Variants in STK4 observed in about 807,000 individuals in gnomAD.
STK4 encodes serine/threonine-protein kinase 4.
STK4 carries 30 observed loss-of-function variants against 64.9 expected under a neutral mutation model. The ratio of observed to expected loss-of-function variants is 0.46; its 90% CI spans 0.35 to 0.63. The LOEUF is 0.63. Among genes scored for constraint, STK4 ranks in the 20% least tolerant of loss-of-function variants. The probability of loss-of-function intolerance (pLI) is 0.01; values close to 1 mark genes in which losing one functional copy is unlikely to be tolerated. For synonymous variants in STK4, 177 were observed against 199.0 expected, an observed-to-expected ratio of 0.89 and a Z score of 0.93; for missense variants, 466 against 598.5, an observed-to-expected ratio of 0.78 and a Z score of 2.31.
At chr20:44,966,749 G>C in intron 1 of STK4, 146 bp downstream of exon 1, 1 of 963,106 alleles carries the variant, frequency 1.0e-6, no homozygotes, top group Non-Finnish European at 1.4e-6. Context: ...GGGGACGTCT[G>C]GTGGGTGAGG....
chr20:45,050,433 A>G (rs2068760221), intron 10 of STK4, among the ~76,000 whole-genome samples: 1 of 152,196 alleles, frequency 6.6e-6, no homozygotes. Context: ...TTTAATATTA[A>G]TAAATATTGC....
intron 5 of STK4, among the ~76,000 whole-genome samples, chr20:44,990,530 C>T (rs1457504866): frequency 1.3e-5 from 2 of 152,050 alleles, no homozygotes; most frequent in Admixed American, 6.6e-5. Flanking sequence ...TGTGAAACCT[C>T]CAGTACTACT....
At chr20:45,052,993 T>C in intron 10 of STK4, 2 of 998,308 alleles carry the variant, frequency 2.0e-6, no homozygotes, top group Non-Finnish European at 3.0e-6. Context: ...TTTCAACTTC[T>C]TATTTTTCCT....
intron 10 of STK4, among the ~76,000 whole-genome samples, chr20:45,062,989 C>CTTGTTTTTTTTTT: frequency 3.2e-5 from 1 of 31,500 alleles, no homozygotes; most frequent in Admixed American, 4.0e-4. Context: ...CGCACCCGGC[C>CTTGTTTTTTTTTT]TTTTTTTTTT....
At chr20:45,022,511 T>C (rs569061691) in intron 9 of STK4, among the ~76,000 whole-genome samples, 1 of 152,140 alleles carries the variant, frequency 6.6e-6, no homozygotes, top group South Asian at 2.1e-4. Flanking sequence ...GTTCTCACTT[T>C]TTCATCTGAA....
At chr20:44,999,252 C>T (rs751257062) in intron 7 of STK4, among the ~76,000 whole-genome samples, 1 of 152,114 alleles carries the variant, frequency 6.6e-6, no homozygotes, top group Non-Finnish European at 1.5e-5. Flanking sequence ...AAGAACAAGG[C>T]AATATGATAT....
chr20:44,982,737 G>A (rs6031907), intron 4 of STK4, among the ~76,000 whole-genome samples: 65,716 of 151,908 alleles, frequency 0.43, 14,853 homozygotes, highest in Middle Eastern at 0.53. Flanking sequence ...TTATGTATTC[G>A]TTCAGTAAAT....
At chr20:44,989,440 T>C (rs2067594367) in intron 5 of STK4, among the ~76,000 whole-genome samples, 1 of 152,196 alleles carries the variant, frequency 6.6e-6, no homozygotes, top group Non-Finnish European at 1.5e-5. Flanking sequence ...TTTTGCCCAT[T>C]TTTAATTGGG....
intron 10 of STK4, among the ~76,000 whole-genome samples, chr20:45,057,155 A>G (rs1440021566): frequency 6.6e-6 from 1 of 152,212 alleles, no homozygotes; most frequent in Non-Finnish European, 1.5e-5. Flanking sequence ...GGTCACAGAA[A>G]GACCACGTTC....
chr20:45,073,047 T>C (rs1400383313), intron 10 of STK4, among the ~76,000 whole-genome samples: 1 of 152,188 alleles, frequency 6.6e-6, no homozygotes, highest in African/African-American at 2.4e-5. Context: ...AATTACTGTT[T>C]AAGGTTACAT....
chr20:44,988,547 ATATATATATATATATATATATG>A (rs1344429219), intron 5 of STK4, among the ~76,000 whole-genome samples: 5 of 126,608 alleles, frequency 3.9e-5, no homozygotes, highest in South Asian at 2.6e-4. Context: ...ATATATATAT[ATATATATATATATATATATATG>A]TATCCATTCC....
At chr20:45,011,729 A>ATATATAT (rs60170856) in intron 9 of STK4, among the ~76,000 whole-genome samples, 3 of 115,388 alleles carry the variant, frequency 2.6e-5, no homozygotes, top group African/African-American at 1.1e-4. Flanking sequence ...ATATATATAT[A>ATATATAT]TTTTTTTTTT....
chr20:44,970,971 CT>C (rs964221960), intron 1 of STK4, among the ~76,000 whole-genome samples: 2 of 144,092 alleles, frequency 1.4e-5, no homozygotes, highest in African/African-American at 5.1e-5. Context: ...TAGTCTAAAC[CT>C]TTTTTTTTCT....
intron 10 of STK4, among the ~76,000 whole-genome samples, chr20:45,065,195 A>C (rs1298519019): frequency 6.6e-6 from 1 of 151,820 alleles, no homozygotes; most frequent in Non-Finnish European, 1.5e-5. Flanking sequence ...CCTTTTCTGC[A>C]TCTGAAGTAA....
intron 5 of STK4, among the ~76,000 whole-genome samples, chr20:44,989,400 G>A (rs1274016034): frequency 6.6e-6 from 1 of 151,830 alleles, no homozygotes; most frequent in African/African-American, 2.4e-5. Flanking sequence ...TGGACATTCG[G>A]GTATCTTTGG....
chr20:44,985,867 A>G (rs1317198800), intron 4 of STK4, among the ~76,000 whole-genome samples: 1 of 152,196 alleles, frequency 6.6e-6, no homozygotes, highest in African/African-American at 2.4e-5. Flanking sequence ...CCTAGTCCCA[A>G]ATCCTACAGT....
At chr20:44,981,115 C>T (rs149359709) in intron 3 of STK4, among the ~76,000 whole-genome samples, 263 of 152,116 alleles carry the variant, frequency 1.7e-3, no homozygotes, top group Non-Finnish European at 2.8e-3. Context: ...TAGTCTATAA[C>T]ATTTTTCATG....
chr20:45,055,919 G>A lies in STK4; in HGVS notation c.1306-19099G>A, dbSNP rs975435497. Among the ~76,000 whole-genome samples the A allele has an allele frequency of 3.9e-5, 6 of 152,024 alleles. No homozygotes were observed. In the East Asian group the frequency reaches 9.6e-4, roughly 24 times the overall value. On this transcript the variant is annotated intron_variant, in intron 10 of 10. Transcript: ENST00000372806. ...GGCTAATTTTTGTATTTTTAGGAGA[G>A]ACGGGGTTTCACCATGTTGGCCAGG...
chr20:45,066,362 G>T (rs1036433977), intron 10 of STK4, among the ~76,000 whole-genome samples: 5 of 152,132 alleles, frequency 3.3e-5, no homozygotes, highest in Admixed American at 3.3e-4. Flanking sequence ...GTTATTTAAA[G>T]AAGAAAACTT....
Sources: allele counts gnomAD v4.1 joint callset (sites outside exome capture counted in the v4.1 genomes callset), GRCh38; gene constraint gnomAD v4.1.1; transcripts MANE v1.5; gene names NCBI Gene and HGNC (gene_info 2026-07-23, HGNC 2026-07-21).